Variants in GNPDA1 observed in about 807,000 individuals in gnomAD.
GNPDA1 encodes GNPDA 1.
Under a neutral mutation model 28.5 loss-of-function variants are expected in GNPDA1, and 24 were observed. The observed-to-expected ratio is 0.84, with a 90% CI of 0.61 to 1.19. The LOEUF is 1.19. GNPDA1 is among the 50% of genes most tolerant of loss of function. The probability of loss-of-function intolerance (pLI) is 0.00; values close to 1 mark genes in which losing one functional copy is unlikely to be tolerated. For synonymous variants in GNPDA1, 147 were observed against 139.3 expected (o/e 1.06, Z -0.39); for missense variants, 264 against 367.3 (o/e 0.72, Z 2.30).
At chr5:142,009,050 GA>G (rs1419494339) in intron 2 of GNPDA1, among the ~76,000 whole-genome samples, 1 of 144,738 alleles carries the variant, frequency 6.9e-6, no homozygotes, top group Non-Finnish European at 1.5e-5. Context: ...ATGTGGTTCA[GA>G]AAAAAAAAGT....
intron 3 of GNPDA1, among the ~76,000 whole-genome samples, 154 bp from the exon 4 acceptor site, chr5:142,006,480 C>T (rs931304460): frequency 6.6e-6 from 1 of 152,164 alleles, no homozygotes; most frequent in Non-Finnish European, 1.5e-5. Context: ...CCTAGCCACT[C>T]GGCACAGGCT....
chr5:142,002,791 G>GT (rs1462896471), intron 6 of GNPDA1, among the ~76,000 whole-genome samples: 1 of 152,100 alleles, frequency 6.6e-6, no homozygotes. Flanking sequence ...GGAATCGCTT[G>GT]TTTAAGATTT....
At chr5:142,002,984 A>T in intron 6 of GNPDA1, 104 bp downstream of exon 6, 2 of 863,038 alleles carry the variant, frequency 2.3e-6, no homozygotes, top group Non-Finnish European at 3.6e-6. Context: ...TCTTAAGATT[A>T]CAGTTGTCAA....
In GNPDA1 at chr5:142,006,230, T is replaced by C; in HGVS notation, c.323A>G (p.Asp108Gly). The change falls in exon 4 of 7, where the codon GAT (aspartate) becomes GGT (glycine). Residue 108 changes from aspartate (D) to glycine (G), a missense_variant. Coordinates refer to ENST00000311337, the MANE Select transcript of GNPDA1 (RefSeq NM_005471.5). ...DIHPENTHIL[D>G]GNAVDLQAEC... is the part of the protein sequence containing the mutation. ...TGCCTGTAGGTCGACTGCATTCCCA[T>C]CCAGAATGTGGGTGTTTTCTGGGTG... The C allele has an allele frequency of 2.5e-6, 4 of 1,613,698 alleles. No individual in the cohort carries two copies. The South Asian group carries it at 4.4e-5, about 18-fold the overall frequency.
chr5:142,010,566 A>G (rs1755923539), intron 2 of GNPDA1, among the ~76,000 whole-genome samples: 1 of 148,382 alleles, frequency 6.7e-6, no homozygotes, highest in African/African-American at 2.5e-5. Flanking sequence ...GCTGGAGTGC[A>G]ATTGCACAAT....
At position 142,009,153 on chromosome 5, in the gene GNPDA1, T is replaced by C. The variant is rs147633911; in HGVS notation, c.125-1253A>G. ...AATTGGTGAATTTAGGTGAATGGTA[T>C]TGACCTGTTTTTTTCCTCTTTTTTG... On this transcript the variant is annotated intron_variant, in intron 2 of 6. Transcript: ENST00000311337. 2.8e-3 allele frequency among the ~76,000 whole-genome samples: 427 copies of C among 152,330 alleles called. 3 individuals carry two copies. Among genetic ancestry groups the C allele is most frequent in the African/African-American group, 9.8e-3 (409 of 41,568 alleles).
intron 1 of GNPDA1, chr5:142,012,250 G>C (rs1008734170): frequency 2.3e-6 from 1 of 433,012 alleles, no homozygotes; most frequent in Admixed American, 3.4e-5. Flanking sequence ...GCGCCACTGG[G>C]GGCAGATCTG....
At chr5:142,010,579 T>C (rs1755924229) in intron 2 of GNPDA1, among the ~76,000 whole-genome samples, 1 of 151,108 alleles carries the variant, frequency 6.6e-6, no homozygotes, top group African/African-American at 2.4e-5. Flanking sequence ...TGCACAATCA[T>C]GGTTCACTGC....
Position 142,003,020 on chromosome 5 carries a change from G to A in GNPDA1, c.769+68C>T, listed in dbSNP as rs1194605782. ...TTAAAATGACCAGAGGATGAAAGCT[G>A]GATCTACTCCTTACTCCTAGCACAC... On this transcript the variant is annotated intron_variant, in intron 6 of 6. Transcript: ENST00000311337. This position sits in a 1 kb window ranked among gnomAD's most constrained non-coding sequence, Gnocchi z 4.0. 25 of 1,318,932 alleles carry A rather than the reference G, an allele frequency of 1.9e-5. No homozygotes were observed. Among genetic ancestry groups the A allele is most frequent in the South Asian group, 4.2e-5 (3 of 71,744 alleles). 81.7% of individuals were successfully genotyped at this position (1,318,932 alleles called of 1,614,324 possible).
chr5:142,008,002 C>G (rs1755851000), intron 2 of GNPDA1, 102 bp from the exon 3 acceptor site: 2 of 711,284 alleles, frequency 2.8e-6, no homozygotes, highest in Non-Finnish European at 5.1e-6. Context: ...GAGAACCTGT[C>G]AGATCTGAAG....
chr5:142,003,305 A>C lies in GNPDA1; in HGVS notation c.595-43T>G. ...AGTCTGTGATGGAGGGGAGCATTCC[A>C]GACACCCTAAACAGTTGTAAGGATG... is the stretch of plus-strand genomic sequence containing the variant. On this transcript the variant is annotated intron_variant, in intron 5 of 6. Coordinates refer to ENST00000311337, the MANE Select transcript of GNPDA1 (RefSeq NM_005471.5). This position sits in a 1 kb window ranked among gnomAD's most constrained non-coding sequence, Gnocchi z 4.0. The C allele has an allele frequency of 1.5e-6, 2 of 1,329,088 alleles. No homozygotes were observed. The highest frequency in any genetic ancestry group is 1.8e-4 in the Middle Eastern group (1 of 5,410). The allele number at this position is 1,329,088 out of a possible 1,614,324, so 82.3% of individuals were successfully genotyped here.
chr5:142,012,334 T>C (rs1755981169), intron 1 of GNPDA1: 1 of 260,886 alleles, frequency 3.8e-6, no homozygotes, highest in African/African-American at 2.2e-5. Flanking sequence ...TCTGAGCCGT[T>C]TCCTCCTATG....
intron 5 of GNPDA1, among the ~76,000 whole-genome samples, chr5:142,004,636 T>A (rs564209546): frequency 6.6e-6 from 1 of 152,332 alleles, no homozygotes; most frequent in East Asian, 1.9e-4. Context: ...TTAGCGATGC[T>A]GGCCTCCTCT....
rs1236688453 is a variant in GNPDA1, at chr5:142,003,868, A to C, written c.595-606T>G. Among the ~76,000 whole-genome samples, 2 of 152,234 alleles carry C rather than the reference A, an allele frequency of 1.3e-5. No individual in the cohort carries two copies. The highest frequency in any genetic ancestry group is 2.4e-5 in the African/African-American group (1 of 41,458). ...CCACTTAACAGTTAAAATATCGAGA[A>C]TGTAAGTGATCTTAAAGAACTCAGC... On this transcript the variant is annotated intron_variant, in intron 5 of 6. Transcript: ENST00000311337. The surrounding 1 kb of genome is among the most constrained non-coding windows in gnomAD (Gnocchi z 4.0).
At chr5:142,009,429 T>TTATCACCATCTAA (rs1190587883) in intron 2 of GNPDA1, among the ~76,000 whole-genome samples, 2 of 152,184 alleles carry the variant, frequency 1.3e-5, no homozygotes, top group Admixed American at 6.5e-5. Context: ...TCCTTTCCTC[T>TTATCACCATCTAA]TATCACCATC....
At chr5:142,012,091 G>T in intron 1 of GNPDA1, 50 bp from the exon 2 acceptor site, 1 of 1,541,510 alleles carries the variant, frequency 6.5e-7, no homozygotes. Context: ...GTAAGGGGCA[G>T]AGAAAGAGAT....
intron 2 of GNPDA1, among the ~76,000 whole-genome samples, chr5:142,009,189 A>G (rs748653331): frequency 6.6e-6 from 1 of 152,090 alleles, no homozygotes; most frequent in Non-Finnish European, 1.5e-5. Flanking sequence ...AATATTTGAA[A>G]TTTTGCAAAC....
chr5:142,004,529 C>A (rs1755752136), intron 5 of GNPDA1, among the ~76,000 whole-genome samples: 1 of 152,246 alleles, frequency 6.6e-6, no homozygotes, highest in Admixed American at 6.5e-5. Context: ...GGGCTAGAAG[C>A]ACAAGCATCC....
At chr5:142,005,955 C>T (rs1167790114) in intron 4 of GNPDA1, 189 bp downstream of exon 4, 1 of 528,480 alleles carries the variant, frequency 1.9e-6, no homozygotes, top group Non-Finnish European at 3.4e-6. Flanking sequence ...AGGCATCAAA[C>T]TGCAGAAAGA....
Sources: gnomAD v4.1 joint callset for allele counts (sites outside exome capture counted in the v4.1 genomes callset) on GRCh38, gnomAD v4.1.1 for gene constraint, Gnocchi (gnomAD v3.1) non-coding constraint, MANE v1.5 for transcripts, NCBI Gene and HGNC (gene_info 2026-07-23, HGNC 2026-07-21) for gene names.